WDPCP: variants seen among roughly 807,000 people sequenced by gnomAD.
The protein encoded by WDPCP is WD repeat containing planar cell polarity effector.
In WDPCP, 71 loss-of-function variants were observed where a neutral mutation model predicts 93.1. The ratio of observed to expected loss-of-function variants is 0.76; its 90% CI spans 0.63 to 0.93. WDPCP has a LOEUF of 0.93. Ranked by LOEUF, WDPCP falls within the 40% of genes least tolerant of loss-of-function variation. WDPCP has a pLI of 0.00. For synonymous variants in WDPCP, 315 were observed against 315.0 expected (o/e 1.00, Z 0.00); for missense variants, 844 against 887.4 (o/e 0.95, Z 0.62).
intron 14 of WDPCP, among the ~76,000 whole-genome samples, chr2:63,188,159 G>T (rs1674778197): frequency 6.6e-6 from 1 of 152,060 alleles, no homozygotes; most frequent in Admixed American, 6.5e-5. Context: ...ATGTGTCTTG[G>T]TATGGGTCTC....
chr2:63,238,773 G>C (rs1007812005), intron 14 of WDPCP, among the ~76,000 whole-genome samples: 1 of 152,134 alleles, frequency 6.6e-6, no homozygotes, highest in African/African-American at 2.4e-5. Flanking sequence ...TAGAATAGGG[G>C]AGTAATAGGT....
Position 63,260,533 on chromosome 2 carries a change from T to C in WDPCP, c.1813-1124A>G, listed in dbSNP as rs151015332. 5.8e-3 allele frequency among the ~76,000 whole-genome samples: 877 copies of C among 152,280 alleles called. 8 individuals carry two copies. Among genetic ancestry groups the C allele is most frequent in the African/African-American group, 0.02 (822 of 41,568 alleles). On this transcript the variant is annotated intron_variant, in intron 13 of 17. Coordinates refer to ENST00000272321, the MANE Select transcript of WDPCP (RefSeq NM_015910.7). ...AGGCATGTAACATTTACTGGGAATA[T>C]AATTGGTTAAGACTTTATTTATTAA...
intron 15 of WDPCP, among the ~76,000 whole-genome samples, chr2:63,159,653 C>T (rs1252345979): frequency 6.6e-6 from 1 of 152,116 alleles, no homozygotes; most frequent in Non-Finnish European, 1.5e-5. Flanking sequence ...TACAGTGTTC[C>T]TCTGTGAGCT....
At chr2:63,189,007 G>C (rs956293664) in intron 14 of WDPCP, among the ~76,000 whole-genome samples, 1 of 152,174 alleles carries the variant, frequency 6.6e-6, no homozygotes, top group Admixed American at 6.5e-5. Context: ...CTGGGGATGC[G>C]TTTTCTTTGG....
intron 2 of WDPCP, among the ~76,000 whole-genome samples, chr2:63,795,910 C>T (rs542344915): frequency 7.2e-5 from 11 of 152,312 alleles, no homozygotes; most frequent in Admixed American, 7.2e-4. Flanking sequence ...TACCCATTCC[C>T]TTCTATGTGT....
intron 8 of WDPCP, among the ~76,000 whole-genome samples, chr2:63,435,277 A>G (rs902647357): frequency 1.3e-5 from 2 of 152,192 alleles, no homozygotes; most frequent in African/African-American, 4.8e-5. Context: ...AATTATGTCA[A>G]TCTGAAAGAA....
intron 2 of WDPCP, among the ~76,000 whole-genome samples, chr2:63,725,711 AT>A (rs1199838836): frequency 1.3e-5 from 2 of 151,898 alleles, no homozygotes; most frequent in Non-Finnish European, 2.9e-5. Flanking sequence ...AGCATCTGTT[AT>A]TTTTTTGACT....
At position 63,404,054 on chromosome 2, in the gene WDPCP, T is replaced by C. The variant is rs1050887811; in HGVS notation, c.1429A>G (p.Lys477Glu). The change falls in exon 10 of 18, where the codon AAA becomes GAA. Residue 477 changes from lysine (K) to glutamate (E), a missense_variant. Transcript: ENST00000272321. ...ATCACTTTCCTTGACTTACCTAGTT[T>C]AAACAACAGCACACCCAAAGGTCCT... ...ERGPLGVLLF[K>E]LGVFTRGQLG... The C allele has an allele frequency of 6.2e-7, 1 of 1,614,084 alleles. No homozygotes were observed. Among genetic ancestry groups the C allele is most frequent in the Non-Finnish European group, 8.5e-7 (1 of 1,179,964 alleles).
chr2:63,438,315 A>G (rs1465202357), intron 7 of WDPCP, among the ~76,000 whole-genome samples: 1 of 136,816 alleles, frequency 7.3e-6, no homozygotes, highest in Non-Finnish European at 1.6e-5. Flanking sequence ...ACCCCTGACC[A>G]TACAAACAGT....
chr2:63,289,993 A>C (rs1406686515), intron 13 of WDPCP, among the ~76,000 whole-genome samples: 1 of 151,772 alleles, frequency 6.6e-6, no homozygotes, highest in Non-Finnish European at 1.5e-5. Flanking sequence ...ACCAAACATA[A>C]TTAGTTCTTG....
chr2:63,240,574 C>T (rs959969562), intron 14 of WDPCP, among the ~76,000 whole-genome samples: 4 of 152,126 alleles, frequency 2.6e-5, no homozygotes, highest in African/African-American at 7.2e-5. Context: ...TTTTGTTATA[C>T]TCCACACTAG....
chr2:63,738,651 T>A (rs1378720253), intron 2 of WDPCP, among the ~76,000 whole-genome samples: 1 of 152,250 alleles, frequency 6.6e-6, no homozygotes. Flanking sequence ...ATACTGATTA[T>A]ATTCATAGCT....
At chr2:63,737,971 C>T (rs917793901) in intron 2 of WDPCP, among the ~76,000 whole-genome samples, 5 of 152,154 alleles carry the variant, frequency 3.3e-5, no homozygotes, top group Non-Finnish European at 7.3e-5. Context: ...CTTGTTACAA[C>T]TCCAGGGCTT....
chr2:63,576,786 T>A (rs993185301), intron 1 of WDPCP, among the ~76,000 whole-genome samples: 4 of 152,142 alleles, frequency 2.6e-5, no homozygotes, highest in Non-Finnish European at 5.9e-5. Context: ...AAAACACTTA[T>A]CACTTTAGAG....
chr2:63,195,597 C>T (rs1273460912), intron 14 of WDPCP, among the ~76,000 whole-genome samples: 2 of 151,758 alleles, frequency 1.3e-5, no homozygotes, highest in Admixed American at 6.6e-5. Context: ...GGGTTATAGG[C>T]GTGAGCCACC....
chr2:63,314,407 C>G (rs948272169), intron 12 of WDPCP, among the ~76,000 whole-genome samples: 4 of 152,046 alleles, frequency 2.6e-5, no homozygotes, highest in Admixed American at 2.6e-4. Flanking sequence ...TGGGCTCAAG[C>G]AAACCACCCA....
intron 3 of WDPCP, among the ~76,000 whole-genome samples, chr2:63,632,039 T>C (rs1709870024): frequency 6.6e-6 from 1 of 152,196 alleles, no homozygotes; most frequent in Non-Finnish European, 1.5e-5. Flanking sequence ...GTTATGTATG[T>C]TGAGGACCCC....
At chr2:63,393,564 A>G (rs1002027538) in intron 10 of WDPCP, among the ~76,000 whole-genome samples, 1 of 152,068 alleles carries the variant, frequency 6.6e-6, no homozygotes, top group African/African-American at 2.4e-5. Context: ...GAAAAAAAAG[A>G]AAAACTAATT....
intron 6 of WDPCP, among the ~76,000 whole-genome samples, chr2:63,458,217 C>A (rs1365475085): frequency 7.8e-6 from 1 of 127,574 alleles, no homozygotes; most frequent in Non-Finnish European, 1.6e-5. Context: ...CTAGACAGAG[C>A]AGTCAGGCAA....
Sources: gnomAD v4.1 joint callset for allele counts (sites outside exome capture counted in the v4.1 genomes callset) on GRCh38, gnomAD v4.1.1 for gene constraint, MANE v1.5 for transcripts, NCBI Gene and HGNC (gene_info 2026-07-23, HGNC 2026-07-21) for gene names.